CCDC180: variants seen among roughly 807,000 people sequenced by gnomAD.
The protein encoded by CCDC180 is coiled-coil domain-containing protein 180.
A neutral mutation model predicts 209.2 loss-of-function variants in CCDC180; 154 were observed. That is an observed-to-expected ratio of 0.74 (90% CI 0.65 to 0.84). CCDC180 has a LOEUF of 0.84. Ranked by LOEUF, CCDC180 falls within the 40% of genes least tolerant of loss-of-function variation. The pLI, the probability that CCDC180 is intolerant of heterozygous loss-of-function variation, is 0.00. For synonymous variants in CCDC180, 778 were observed against 749.1 expected, an observed-to-expected ratio of 1.04 and a Z score of -0.63; for missense variants, 1,874 against 1,997.3, an observed-to-expected ratio of 0.94 and a Z score of 1.18.
chr9:97,356,171 G>C (rs1029561642), intron 24 of CCDC180, among the ~76,000 whole-genome samples: 1 of 152,136 alleles, frequency 6.6e-6, no homozygotes, highest in Non-Finnish European at 1.5e-5. Context: ...GGAGGGACTT[G>C]GGGTACACTG....
intron 25 of CCDC180, among the ~76,000 whole-genome samples, chr9:97,358,993 T>C (rs1382748143): frequency 6.6e-6 from 1 of 152,232 alleles, no homozygotes; most frequent in East Asian, 1.9e-4. Flanking sequence ...GCAGAATAAA[T>C]GTCCCTCTCA....
chr9:97,370,117 A>G, intron 32 of CCDC180, 35 bp downstream of exon 32: 2 of 1,598,196 alleles, frequency 1.3e-6, no homozygotes, highest in Non-Finnish European at 1.7e-6. Flanking sequence ...CCACTCTAGG[A>G]CCAGGGGAAC....
At chr9:97,339,177 A>T (rs1408424472) in intron 18 of CCDC180, among the ~76,000 whole-genome samples, 1 of 152,136 alleles carries the variant, frequency 6.6e-6, no homozygotes, top group Non-Finnish European at 1.5e-5. Flanking sequence ...TAATATTGTT[A>T]TGTGTGAATT....
At position 97,374,434 on chromosome 9, in the gene CCDC180, T is replaced by C. The variant is rs547160899; in HGVS notation, c.4601-109T>C. On this transcript the variant is annotated intron_variant, in intron 34 of 36. Coordinates refer to ENST00000529487, the MANE Select transcript of CCDC180 (RefSeq NM_020893.6). ...GGGCTCAGCCTGCCATAACTCCAAG[T>C]GGGAGGAGGGGTGCCAGTCCTCCCT... The C allele has an allele frequency of 2.5e-5, 19 of 769,100 alleles. No individual in the cohort carries two copies. The South Asian group carries it at 2.6e-4, about 11-fold the overall frequency. 47.6% of individuals were successfully genotyped at this position (769,100 alleles called of 1,614,324 possible). A position where few individuals can be genotyped will look rare whatever the true frequency, so the allele number is the denominator to read the frequency against.
At chr9:97,375,637 G>A (rs201628782) in intron 36 of CCDC180, 48 bp downstream of exon 36, 120 of 1,609,446 alleles carry the variant, frequency 7.5e-5, no homozygotes, top group South Asian at 2.4e-4. Flanking sequence ...AGCTCAGGTC[G>A]GCTGCCTTGG....
chr9:97,345,967 C>T (rs117075084), intron 19 of CCDC180, among the ~76,000 whole-genome samples: 3,767 of 152,150 alleles, frequency 0.025, 86 homozygotes, highest in Non-Finnish European at 0.037. Flanking sequence ...AGATGTTCTC[C>T]GAAGTTATAT....
At chr9:97,353,250 G>A (rs1438578723) in intron 22 of CCDC180, among the ~76,000 whole-genome samples, 1 of 152,098 alleles carries the variant, frequency 6.6e-6, no homozygotes, top group African/African-American at 2.4e-5. Context: ...ACCCGCCTCG[G>A]CCTCCCAAAG....
intron 25 of CCDC180, among the ~76,000 whole-genome samples, chr9:97,358,782 G>T (rs1217839071): frequency 6.6e-6 from 1 of 152,172 alleles, no homozygotes; most frequent in East Asian, 1.9e-4. Context: ...CCCAGAACCA[G>T]ACACCCCAGC....
At position 97,330,741 on chromosome 9, in the gene CCDC180, G is replaced by T; in HGVS notation, c.2248G>T (p.Glu750Ter). 6.2e-7 allele frequency: 1 copy of T among 1,602,060 alleles called. No homozygotes were observed. The highest frequency in any genetic ancestry group is 8.5e-7 in the Non-Finnish European group (1 of 1,179,344). Reference sequence around the variant, plus strand: ...GAAGGAGGAGAAGGAGGCACAGGAAGAGCAAGAGAGTTTATCTGTGGGTGA... The same window carrying T: ...GAAGGAGGAGAAGGAGGCACAGGAATAGCAAGAGAGTTTATCTGTGGGTGA... The part of the protein sequence containing the change: ...EEKEEKEAQE[E>*]QESLSVGEEE... The change falls in exon 18 of 37, where the codon GAG (glutamate) becomes TAG (stop). Residue 750 changes from glutamate (E) to a stop codon, truncating the protein, a stop_gained. Transcript: ENST00000529487. LOFTEE classifies it high-confidence loss of function.
rs1460031032 is a variant in CCDC180, at chr9:97,360,090, C to G, written c.3472C>G (p.Leu1158Val). The change falls in exon 26 of 37, where the codon CTG becomes GTG. Residue 1158 changes from leucine to valine, a missense_variant. By Grantham distance (32) the Leu-to-Val change is conservative. Transcript: ENST00000529487. ...CCTGGACAGGGTGTCCATGACTGAA[C>G]TGGTCTTTACCGTAAGGAATGGGAT... ...CSLDRVSMTE[L>V]VFTNTILKDQ... The G allele has an allele frequency of 6.2e-7, 1 of 1,613,666 alleles. No individual in the cohort carries two copies. The highest frequency in any genetic ancestry group is 8.5e-7 in the Non-Finnish European group (1 of 1,179,848).
rs1329242814 is a variant in CCDC180 at position 97,377,947 on chromosome 9, T to C, written c.*1053T>C. 1 of 152,214 alleles carries C rather than the reference T, an allele frequency of 6.6e-6. No individual in the cohort carries two copies. The highest frequency in any genetic ancestry group is 1.5e-5 in the Non-Finnish European group (1 of 68,060). The allele number at this position is 152,214 out of a possible 1,614,324, so 9.4% of individuals were successfully genotyped here. ...TGGCTCACGCCTGTAATCCTAGCAC[T>C]TTGGGAGGCCAAGGCGAGCAGATCA... On this transcript the variant is annotated 3_prime_UTR_variant, in exon 37 of 37. Coordinates refer to ENST00000529487, the MANE Select transcript of CCDC180 (RefSeq NM_020893.6).
chr9:97,323,797 G>C lies in CCDC180; in HGVS notation c.1265G>C (p.Trp422Ser), dbSNP rs749264761. ...ACACTCCAGAAGCAGCTGCTGGACT[G>C]GAAAGCCTTCACTGAGGAGGAGGCA... ...VQNCKKQLLD[W>S]KAFTEEEAET... The change falls in exon 13 of 37, where the codon TGG (tryptophan) becomes TCG (serine). Residue 422 changes from tryptophan (W) to serine (S), a missense_variant. Trp to Ser is a radical substitution (Grantham distance 177). Transcript: ENST00000529487. 2.6e-6 allele frequency: 4 copies of C among 1,558,840 alleles called. No homozygotes were observed. The highest frequency in any genetic ancestry group is 3.5e-6 in the Non-Finnish European group (4 of 1,150,520).
chr9:97,313,391 A>G, intron 5 of CCDC180, 46 bp downstream of exon 5: 1 of 1,413,868 alleles, frequency 7.1e-7, no homozygotes, highest in Non-Finnish European at 1.0e-6. Flanking sequence ...GTGCCATTCC[A>G]AAGGTGGGTG....
intron 21 of CCDC180, 77 bp from the exon 22 acceptor site, chr9:97,350,332 A>G (rs961531433): frequency 7.1e-7 from 1 of 1,408,786 alleles, no homozygotes; most frequent in Non-Finnish European, 9.6e-7. Flanking sequence ...CAGGCTGATC[A>G]CCATCACCAC....
chr9:97,335,468 G>T (rs947302893), intron 18 of CCDC180, among the ~76,000 whole-genome samples: 2 of 152,132 alleles, frequency 1.3e-5, no homozygotes, highest in Non-Finnish European at 2.9e-5. Flanking sequence ...TCAGAATGAT[G>T]GTTTCCAGCT....
Position 97,362,372 on chromosome 9 carries a change from G to A in CCDC180, c.3833G>A (p.Arg1278Gln), listed in dbSNP as rs558066001. The change falls in exon 28 of 37, where the codon CGA becomes CAA. Residue 1278 changes from arginine (R) to glutamine (Q), a missense_variant. Physicochemically the swap from Arg to Gln is conservative, Grantham distance 43 (BLOSUM62 1). Transcript: ENST00000529487. Reference sequence around the variant, plus strand: ...CCCTCGTCACCCAAAGGCTTCAAGCGACATCGGTGCCAGCCAGAAAACTCT... The same window carrying A: ...CCCTCGTCACCCAAAGGCTTCAAGCAACATCGGTGCCAGCCAGAAAACTCT... ...PGPSSPKGFK[R>Q]HRCQPENSGK... The A allele has an allele frequency of 8.4e-5, 135 of 1,614,066 alleles. No individual in the cohort carries two copies. In the East Asian group the frequency reaches 9.8e-4, roughly 12 times the overall value.
At chr9:97,355,461 T>C (rs914849676) in intron 24 of CCDC180, among the ~76,000 whole-genome samples, 2 of 152,162 alleles carry the variant, frequency 1.3e-5, no homozygotes, top group Non-Finnish European at 2.9e-5. Context: ...TGGCCAAAAA[T>C]AAAATCTTAA....
At chr9:97,345,363 CGTCAGTGGTATT>C (rs1451028105) in intron 19 of CCDC180, among the ~76,000 whole-genome samples, 1 of 152,138 alleles carries the variant, frequency 6.6e-6, no homozygotes, top group Admixed American at 6.6e-5. Flanking sequence ...CGCTCCACAA[CGTCAGTGGTATT>C]GTCAGTGGTT....
rs372686295 is a variant in CCDC180, at chr9:97,330,488, A to T, written c.1995A>T (p.Ile665=). ...EENDQEMESF[I]TEEVLGQQKK... ...ACGATCAAGAAATGGAGTCCTTCAT[A>T]ACTGAAGAGGTGCTGGGGCAGCAGA... The change falls in exon 18 of 37, where the codon ATA becomes ATT. Residue 665 remains isoleucine (I), a synonymous_variant. Transcript: ENST00000529487. 2 of 1,614,086 alleles carry T rather than the reference A, an allele frequency of 1.2e-6. No homozygotes were observed. Among genetic ancestry groups the T allele is most frequent in the African/African-American group, 2.7e-5 (2 of 74,922 alleles).
Sources: gnomAD v4.1 joint callset for allele counts (sites outside exome capture counted in the v4.1 genomes callset) on GRCh38, gnomAD v4.1.1 for gene constraint, MANE v1.5 for transcripts, NCBI Gene and HGNC (gene_info 2026-07-23, HGNC 2026-07-21) for gene names.